CCDC144A: variants seen among roughly 807,000 people sequenced by gnomAD.
CCDC144A encodes the protein coiled-coil domain containing 144A, also known as coiled-coil domain-containing protein 144A.
A neutral mutation model predicts 143.8 loss-of-function variants in CCDC144A; 41 were observed. The ratio of observed to expected loss-of-function variants is 0.29; its 90% CI spans 0.22 to 0.37. The LOEUF is 0.37. Ranked by LOEUF, CCDC144A falls within the 10% of genes least tolerant of loss-of-function variation. The pLI is 1.00. For missense variants in CCDC144A, 637 were observed against 1,488.8 expected (o/e 0.43, Z 9.41); for synonymous variants, 242 against 517.9 (o/e 0.47, Z 7.23).
chr17:16,737,415 C>T, intron 12 of CCDC144A: 12 of 1,063,642 alleles, frequency 1.1e-5, no homozygotes, highest in Non-Finnish European at 1.5e-5. Flanking sequence ...ATCCGCCCGC[C>T]TCGGCCTCCC....
the CCDC144A span, among the ~76,000 whole-genome samples, chr17:16,671,598 T>G: frequency 6.6e-6 from 1 of 152,026 alleles, no homozygotes; most frequent in East Asian, 1.9e-4. Flanking sequence ...ACCAGATGCA[T>G]CCCATCAGTC....
At chr17:16,717,473 C>G (rs1912842440) in intron 6 of CCDC144A, among the ~76,000 whole-genome samples, 1 of 152,262 alleles carries the variant, frequency 6.6e-6, no homozygotes, top group East Asian at 1.9e-4. Flanking sequence ...TTACACTTTT[C>G]CTTTCAAGTT....
intron 12 of CCDC144A, among the ~76,000 whole-genome samples, chr17:16,744,730 CTTTT>C (rs201834211): frequency 6.9e-6 from 1 of 145,284 alleles, no homozygotes. Context: ...ATTTTTCTTT[CTTTT>C]TTTTTTTCTT....
At chr17:16,681,223 C>A in the CCDC144A span, among the ~76,000 whole-genome samples, 3 of 151,688 alleles carry the variant, frequency 2.0e-5, no homozygotes, top group East Asian at 5.8e-4. Context: ...TATTTAAATC[C>A]CATGCCTTTC....
At chr17:16,696,457 T>C (rs1911413355) in intron 2 of CCDC144A, among the ~76,000 whole-genome samples, 1 of 150,626 alleles carries the variant, frequency 6.6e-6, no homozygotes, top group Non-Finnish European at 1.5e-5. Flanking sequence ...TGGTGAAACC[T>C]GTCTCTACTA....
Position 16,690,551 on chromosome 17 carries a change from T to C in CCDC144A, c.151T>C (p.Tyr51His), listed in dbSNP as rs1910994668. 6.2e-7 allele frequency: 1 copy of C among 1,613,782 alleles called. No individual in the cohort carries two copies. Residue 51 changes from tyrosine (Y) to histidine (H), a missense_variant, in exon 1 of 17, where the codon TAC becomes CAC. By Grantham distance (83) the Tyr-to-His change is moderately conservative (BLOSUM62 2). Transcript: ENST00000399273. ...GGACCAGTGGTCCTCGGGCTTCCCC[T>C]ACAGCTGGTGGAAAAACAGCGTCGG... ...PGDQWSSGFP[Y>H]SWWKNSVGSE...
chr17:16,700,448 C>T (rs1042759950), intron 2 of CCDC144A, among the ~76,000 whole-genome samples: 1 of 152,300 alleles, frequency 6.6e-6, no homozygotes, highest in African/African-American at 2.4e-5. Context: ...TTTGCACAAA[C>T]AGTTTAGGCA....
At chr17:16,720,707 T>A (rs370371543) in intron 8 of CCDC144A, 49 bp downstream of exon 8, 2 of 1,562,328 alleles carry the variant, frequency 1.3e-6, no homozygotes, top group South Asian at 2.4e-5. Context: ...CCTGCAGTAA[T>A]GTGTGTATAC....
rs1265518914 is a variant in CCDC144A, at chr17:16,746,269, C to CTT, written c.3372+10627_3372+10628insTT. The stretch of plus-strand genomic sequence containing the variant: ...TTCTTCTGTTTATCTGTCTCTCTCT[C>CTT]TCTTTTTTTTTTTTTTTGCATCTTT... On this transcript the variant is annotated intron_variant, in intron 12 of 16. Transcript: ENST00000399273. 3.1e-3 allele frequency: 2,925 copies of CTT among 947,056 alleles called. 20 individuals are homozygous for CTT. The highest frequency in any genetic ancestry group is 0.019 in the East Asian group (606 of 31,478). 58.7% of individuals were successfully genotyped at this position (947,056 alleles called of 1,614,324 possible).
At chr17:16,720,989 T>C (rs1480842114) in intron 8 of CCDC144A, among the ~76,000 whole-genome samples, 1 of 152,184 alleles carries the variant, frequency 6.6e-6, no homozygotes, top group Admixed American at 6.5e-5. Flanking sequence ...CCTAAAACCA[T>C]GGTCTAGTCT....
chr17:16,683,925 G>A, the CCDC144A span: 3 of 1,294,938 alleles, frequency 2.3e-6, no homozygotes, highest in South Asian at 2.4e-5. Context: ...AGAAAGCCAC[G>A]AGCAGGAATC....
At chr17:16,724,654 TTGAG>T (rs1337458779) in intron 8 of CCDC144A, among the ~76,000 whole-genome samples, 2 of 152,040 alleles carry the variant, frequency 1.3e-5, no homozygotes, top group Admixed American at 6.6e-5. Context: ...TTATCACTTA[TTGAG>T]TAAGTGATAT....
the CCDC144A span, among the ~76,000 whole-genome samples, chr17:16,682,374 G>C: frequency 6.6e-6 from 1 of 152,030 alleles, no homozygotes; most frequent in Admixed American, 6.6e-5. Context: ...GAGCAAGTCT[G>C]GGGAGTATTG....
the CCDC144A span, among the ~76,000 whole-genome samples, chr17:16,669,465 T>C: frequency 6.6e-6 from 1 of 152,246 alleles, no homozygotes; most frequent in Non-Finnish European, 1.5e-5. Context: ...AGTCTGAGCA[T>C]TAGCTTTTGA....
chr17:16,695,190 T>A (rs1911327349), intron 2 of CCDC144A: 1 of 152,198 alleles, frequency 6.6e-6, no homozygotes, highest in Non-Finnish European at 1.5e-5. Context: ...TTCAACAGAA[T>A]TTTCAAGGAA....
At chr17:16,693,551 A>G (rs575177470) in intron 2 of CCDC144A, among the ~76,000 whole-genome samples, 155 of 152,194 alleles carry the variant, frequency 1.0e-3, no homozygotes, top group African/African-American at 3.6e-3. Flanking sequence ...TCCTGACCTC[A>G]TGATCCATCC....
At chr17:16,668,858 A>C in the CCDC144A span, among the ~76,000 whole-genome samples, 1 of 152,130 alleles carries the variant, frequency 6.6e-6, no homozygotes, top group Non-Finnish European at 1.5e-5. Flanking sequence ...TCTTCTTATA[A>C]GGGCATTAAT....
chr17:16,741,369 C>T (rs1373736241), intron 12 of CCDC144A, among the ~76,000 whole-genome samples: 1 of 152,002 alleles, frequency 6.6e-6, no homozygotes, highest in Non-Finnish European at 1.5e-5. Flanking sequence ...TTGGTTGGAA[C>T]TTTAGCTGGG....
the CCDC144A span, among the ~76,000 whole-genome samples, chr17:16,679,843 A>C: frequency 6.6e-6 from 1 of 151,910 alleles, no homozygotes; most frequent in Non-Finnish European, 1.5e-5. Flanking sequence ...CTCTTTGAGC[A>C]TTATTTTTCT....
Sources: gnomAD v4.1 joint callset for allele counts (sites outside exome capture counted in the v4.1 genomes callset) on GRCh38, gnomAD v4.1.1 for gene constraint, MANE v1.5 for transcripts, NCBI Gene and HGNC (gene_info 2026-07-23, HGNC 2026-07-21) for gene names.